The following FMN2 variants were observed in gnomAD, a reference collection of about 807,000 sequenced individuals.
FMN2 encodes formin 2.
A neutral mutation model predicts 142.3 loss-of-function variants in FMN2; 51 were observed. The observed-to-expected ratio is 0.36, with a 90% CI of 0.29 to 0.45. FMN2 has a LOEUF of 0.45. Among genes scored for constraint, FMN2 ranks in the 20% least tolerant of loss-of-function variants. The pLI is 1.00. For missense variants in FMN2, 1,936 were observed against 2,122.8 expected (o/e 0.91, Z 1.73); for synonymous variants, 882 against 869.8 (o/e 1.01, Z -0.25).
chr1:240,217,079 A>C (rs1216128013), intron 6 of FMN2, among the ~76,000 whole-genome samples: 1 of 152,244 alleles, frequency 6.6e-6, no homozygotes, highest in Non-Finnish European at 1.5e-5. Context: ...AATTGCCAAT[A>C]AAAGGCTGCT....
chr1:240,376,849 C>T (rs1673063181), intron 14 of FMN2, among the ~76,000 whole-genome samples: 1 of 152,084 alleles, frequency 6.6e-6, no homozygotes, highest in Non-Finnish European at 1.5e-5. Flanking sequence ...TTAATATTTT[C>T]AGTGGTCACT....
intron 8 of FMN2, among the ~76,000 whole-genome samples, chr1:240,314,890 A>G (rs1318988762): frequency 2.0e-5 from 3 of 152,226 alleles, no homozygotes; most frequent in Non-Finnish European, 4.4e-5. Context: ...CTTTGAGAAC[A>G]TTAACAAGCC....
chr1:240,442,340 C>T (rs1675650908), intron 16 of FMN2, among the ~76,000 whole-genome samples: 1 of 152,232 alleles, frequency 6.6e-6, no homozygotes, highest in Admixed American at 6.5e-5. Flanking sequence ...GTGTCCATCT[C>T]TGGATCAGCC....
intron 15 of FMN2, among the ~76,000 whole-genome samples, chr1:240,394,121 CAA>C (rs1673697100): frequency 6.6e-6 from 1 of 152,160 alleles, no homozygotes; most frequent in African/African-American, 2.4e-5. Context: ...TAGGCAGTCA[CAA>C]TGGGTGAAGG....
chr1:240,333,714 AG>A (rs1671460319), intron 11 of FMN2, among the ~76,000 whole-genome samples, 172 bp from the exon 12 acceptor site: 1 of 152,148 alleles, frequency 6.6e-6, no homozygotes, highest in South Asian at 2.1e-4. Context: ...AAATCTTTTA[AG>A]CCACCAAACT....
chr1:240,427,557 GCCAA>G (rs1361974520), intron 15 of FMN2, among the ~76,000 whole-genome samples: 1 of 152,130 alleles, frequency 6.6e-6, no homozygotes, highest in African/African-American at 2.4e-5. Context: ...ATAGAGAAAC[GCCAA>G]CCATTATAAG....
intron 2 of FMN2, among the ~76,000 whole-genome samples, chr1:240,155,822 T>C (rs1006878736): frequency 1.3e-5 from 2 of 151,512 alleles, no homozygotes; most frequent in Admixed American, 6.6e-5. Context: ...TTTGTTAGTA[T>C]ATAAAAGGAC....
chr1:240,466,319 C>T (rs10802878), intron 16 of FMN2, among the ~76,000 whole-genome samples: 43,133 of 152,006 alleles, frequency 0.28, 7,155 homozygotes, highest in East Asian at 0.51. Context: ...AAGCTGTTAC[C>T]ACTTAGAATG....
At chr1:240,197,182 G>A (rs1316597955) in intron 4 of FMN2, among the ~76,000 whole-genome samples, 6 of 152,050 alleles carry the variant, frequency 3.9e-5, no homozygotes, top group Non-Finnish European at 5.9e-5. Context: ...GTAGTTAATC[G>A]CACCTACATC....
chr1:240,338,536 T>G (rs903620686), intron 13 of FMN2, among the ~76,000 whole-genome samples: 4 of 152,112 alleles, frequency 2.6e-5, no homozygotes, highest in African/African-American at 9.7e-5. Flanking sequence ...AATAAACAAT[T>G]CATATGTTTT....
chr1:240,384,897 A>G (rs1260792106), intron 14 of FMN2, among the ~76,000 whole-genome samples: 9 of 152,194 alleles, frequency 5.9e-5, no homozygotes, highest in African/African-American at 2.2e-4. Flanking sequence ...ACATCATTCC[A>G]TATTAACATT....
chr1:240,329,694 A>G (rs960963525), intron 10 of FMN2, among the ~76,000 whole-genome samples: 1 of 152,140 alleles, frequency 6.6e-6, no homozygotes, highest in African/African-American at 2.4e-5. Context: ...TGGCCAATAC[A>G]TGTTGGCCTC....
intron 6 of FMN2, among the ~76,000 whole-genome samples, chr1:240,223,398 G>A (rs1448216011): frequency 6.6e-6 from 1 of 152,154 alleles, no homozygotes; most frequent in Non-Finnish European, 1.5e-5. Context: ...TTATTTTATT[G>A]AGGATTTTCG....
intron 2 of FMN2, among the ~76,000 whole-genome samples, chr1:240,136,927 T>C (rs757980874): frequency 1.8e-4 from 28 of 151,856 alleles, no homozygotes; most frequent in Non-Finnish European, 3.1e-4. Flanking sequence ...AAAAATTAGC[T>C]GGGCGTGGTG....
At chr1:240,438,423 G>A (rs1010437060) in intron 16 of FMN2, among the ~76,000 whole-genome samples, 2 of 152,112 alleles carry the variant, frequency 1.3e-5, no homozygotes, top group Non-Finnish European at 2.9e-5. Flanking sequence ...AGTAACTAGG[G>A]TGCTGGCTTG....
At chr1:240,379,576 A>G (rs1673157508) in intron 14 of FMN2, among the ~76,000 whole-genome samples, 1 of 152,094 alleles carries the variant, frequency 6.6e-6, no homozygotes, top group African/African-American at 2.4e-5. Context: ...AGCATCTATG[A>G]TTTTAAAATT....
At chr1:240,121,735 TAAAAAAAAAAAAA>T (rs71168898) in intron 1 of FMN2, among the ~76,000 whole-genome samples, 24 of 25,672 alleles carry the variant, frequency 9.3e-4, no homozygotes, top group Non-Finnish European at 1.2e-3. Context: ...AGGGAAATAG[TAAAAAAAAAAAAA>T]AAAAAAAAAA....
At chr1:240,377,907 C>T (rs933045739) in intron 14 of FMN2, among the ~76,000 whole-genome samples, 21 of 151,926 alleles carry the variant, frequency 1.4e-4, no homozygotes, top group Non-Finnish European at 2.8e-4. Context: ...ATAACATATT[C>T]ATAGCTGGGG....
intron 7 of FMN2, among the ~76,000 whole-genome samples, chr1:240,262,763 T>TC (rs1668672732): frequency 6.8e-6 from 1 of 147,672 alleles, no homozygotes; most frequent in African/African-American, 2.5e-5. Flanking sequence ...CTTTTACTTT[T>TC]TTTTTTTTTT....
Sources: allele counts gnomAD v4.1 joint callset (sites outside exome capture counted in the v4.1 genomes callset), GRCh38; gene constraint gnomAD v4.1.1; transcripts MANE v1.5; gene names NCBI Gene and HGNC (gene_info 2026-07-23, HGNC 2026-07-21).